The following RBFOX1 variants were observed in gnomAD, a reference collection of about 807,000 sequenced individuals.
RBFOX1 encodes the protein RNA binding fox-1 homolog 1, also known as RNA binding protein fox-1 homolog 1.
In RBFOX1, 8 loss-of-function variants were observed where a neutral mutation model predicts 57.7. The observed-to-expected ratio is 0.14, with a 90% CI of 0.08 to 0.25. The LOEUF (loss-of-function observed/expected upper bound fraction) is 0.25, where lower values mean the gene tolerates loss of function less well. Among genes scored for constraint, RBFOX1 ranks in the 10% least tolerant of loss-of-function variants. The pLI is 1.00. For missense variants in RBFOX1, 611 were observed against 548.5 expected (o/e 1.11, Z -1.14); for synonymous variants, 326 against 222.4 (o/e 1.47, Z -4.15).
At chr16:7,404,633 C>T (rs2098304778) in intron 4 of RBFOX1, among the ~76,000 whole-genome samples, 1 of 152,216 alleles carries the variant, frequency 6.6e-6, no homozygotes, top group Non-Finnish European at 1.5e-5. Flanking sequence ...CCCTGTCTCT[C>T]AGTCATGCTG....
chr16:7,302,980 T>A (rs899654144), intron 4 of RBFOX1, among the ~76,000 whole-genome samples: 7 of 152,210 alleles, frequency 4.6e-5, no homozygotes, highest in African/African-American at 1.7e-4. Context: ...CATTGTAATT[T>A]GCTCCCTGCA....
chr16:6,903,822 C>T (rs893344921), intron 3 of RBFOX1, among the ~76,000 whole-genome samples: 2 of 152,082 alleles, frequency 1.3e-5, no homozygotes, highest in Non-Finnish European at 2.9e-5. Flanking sequence ...ATTGCATCCC[C>T]AACAGGCGGG....
At chr16:7,605,498 C>A (rs2141183779) in intron 9 of RBFOX1, among the ~76,000 whole-genome samples, 1 of 152,244 alleles carries the variant, frequency 6.6e-6, no homozygotes, top group Middle Eastern at 3.4e-3. Context: ...CTAGCTTCTT[C>A]AGGTTGGAAC....
At chr16:7,093,573 T>C (rs1024103050) in intron 4 of RBFOX1, among the ~76,000 whole-genome samples, 1 of 152,188 alleles carries the variant, frequency 6.6e-6, no homozygotes, top group South Asian at 2.1e-4. Context: ...CTCATGAACA[T>C]CTCAAACTTC....
intron 2 of RBFOX1, among the ~76,000 whole-genome samples, chr16:6,603,617 C>T (rs980418189): frequency 1.3e-5 from 2 of 152,112 alleles, no homozygotes; most frequent in Admixed American, 6.5e-5. Context: ...AAAGCCCCCC[C>T]GGGCAGCCGC....
At chr16:7,628,162 T>C (rs945901216) in intron 10 of RBFOX1, among the ~76,000 whole-genome samples, 1 of 152,126 alleles carries the variant, frequency 6.6e-6, no homozygotes, top group Non-Finnish European at 1.5e-5. Flanking sequence ...TGTGTTACAG[T>C]TATACATTTT....
rs116363427 is a variant in RBFOX1 at position 5,666,082 on chromosome 16, A to G, written c.318+67121A>G. Among the ~76,000 whole-genome samples the G allele has an allele frequency of 5.6e-3, 853 of 152,358 alleles. 10 individuals are homozygous for G. The highest frequency in any genetic ancestry group is 0.02 in the African/African-American group (815 of 41,580). On this transcript the variant is annotated intron_variant, in intron 3 of 19. Coordinates refer to the RBFOX1 transcript ENST00000641259. ...AGCTTCTCCACGTGTCTAATGGCAG[A>G]GAGCAAGGATGCCCCCAAGGGAGGT...
intron 4 of RBFOX1, among the ~76,000 whole-genome samples, chr16:7,145,957 A>G (rs2074886093): frequency 6.6e-6 from 1 of 152,030 alleles, no homozygotes; most frequent in South Asian, 2.1e-4. Flanking sequence ...CTCCTTCACT[A>G]CCTTCCTTTC....
At chr16:7,116,652 A>G (rs775125225) in intron 4 of RBFOX1, among the ~76,000 whole-genome samples, 2 of 152,198 alleles carry the variant, frequency 1.3e-5, no homozygotes, top group Non-Finnish European at 2.9e-5. Context: ...AATGCAATTC[A>G]TGTGACTTGG....
At chr16:5,959,091 G>A (rs912087816) in intron 4 of RBFOX1, among the ~76,000 whole-genome samples, 3 of 152,178 alleles carry the variant, frequency 2.0e-5, no homozygotes, top group African/African-American at 7.2e-5. Flanking sequence ...ACAGAGAAAG[G>A]CTTGTTATGT....
chr16:7,186,877 G>A (rs561127055), intron 4 of RBFOX1, among the ~76,000 whole-genome samples: 1 of 150,774 alleles, frequency 6.6e-6, no homozygotes, highest in South Asian at 2.1e-4. Flanking sequence ...AGCTCTCTAG[G>A]CCAGGCACAG....
At chr16:7,696,933 T>A (rs2078984199) in intron 14 of RBFOX1, among the ~76,000 whole-genome samples, 1 of 152,164 alleles carries the variant, frequency 6.6e-6, no homozygotes, top group South Asian at 2.1e-4. Context: ...GAGTAAGACA[T>A]CCAGTGTGGC....
chr16:6,295,746 G>C (rs2078026490), intron 1 of RBFOX1, among the ~76,000 whole-genome samples: 1 of 152,192 alleles, frequency 6.6e-6, no homozygotes, highest in Non-Finnish European at 1.5e-5. Flanking sequence ...ATGAGGAGGG[G>C]ACAGGGGCAA....
intron 2 of RBFOX1, among the ~76,000 whole-genome samples, chr16:6,438,854 T>G (rs2153021396): frequency 6.6e-6 from 1 of 152,338 alleles, no homozygotes; most frequent in South Asian, 2.1e-4. Flanking sequence ...CTGAGTATTC[T>G]TAACATTGTG....
At chr16:5,730,688 C>G (rs148363846) in intron 3 of RBFOX1, among the ~76,000 whole-genome samples, 1 of 151,836 alleles carries the variant, frequency 6.6e-6, no homozygotes, top group African/African-American at 2.4e-5. Context: ...ACCAATGTCA[C>G]CACCATCATT....
At chr16:5,656,781 T>C (rs982182736) in intron 3 of RBFOX1, among the ~76,000 whole-genome samples, 1 of 152,212 alleles carries the variant, frequency 6.6e-6, no homozygotes. Context: ...TGCCACATTT[T>C]CTTTATCCAG....
At chr16:6,625,461 GGA>G (rs1273026574) in intron 2 of RBFOX1, among the ~76,000 whole-genome samples, 8 of 152,188 alleles carry the variant, frequency 5.3e-5, no homozygotes, top group African/African-American at 1.7e-4. Flanking sequence ...TTGTGAAATG[GGA>G]TACAAAGTCC....
chr16:5,581,428 G>T (rs890794514), intron 2 of RBFOX1, among the ~76,000 whole-genome samples: 1 of 152,238 alleles, frequency 6.6e-6, no homozygotes. Flanking sequence ...GGAGAATCCA[G>T]TGGCAACCTT....
chr16:5,949,155 A>C (rs1300558820), intron 4 of RBFOX1, among the ~76,000 whole-genome samples: 1 of 152,154 alleles, frequency 6.6e-6, no homozygotes, highest in African/African-American at 2.4e-5. Context: ...TAACCAGCAT[A>C]CCATTAGCTG....
Sources: gnomAD v4.1 joint callset for allele counts (sites outside exome capture counted in the v4.1 genomes callset) on GRCh38, gnomAD v4.1.1 for gene constraint, MANE v1.5 for transcripts, NCBI Gene and HGNC (gene_info 2026-07-23, HGNC 2026-07-21) for gene names.